The following IMPG2 variants were observed in gnomAD, a reference collection of about 807,000 sequenced individuals.
IMPG2 encodes the protein IPM 200.
A neutral mutation model predicts 129.2 loss-of-function variants in IMPG2; 91 were observed. The ratio of observed to expected loss-of-function variants is 0.70; its 90% CI spans 0.59 to 0.84. The LOEUF is 0.84. Among genes scored for constraint, IMPG2 ranks in the 40% least tolerant of loss-of-function variants. IMPG2 has a pLI of 0.00. For missense variants in IMPG2, 1,430 were observed against 1,461.7 expected, an observed-to-expected ratio of 0.98 and a Z score of 0.35; for synonymous variants, 510 against 517.7, an observed-to-expected ratio of 0.99 and a Z score of 0.20.
chr3:101,229,214 C>T (rs938064566), intron 17 of IMPG2, among the ~76,000 whole-genome samples, 166 bp downstream of exon 17: 2 of 151,266 alleles, frequency 1.3e-5, no homozygotes, highest in Non-Finnish European at 2.9e-5. Context: ...ATATCATAGA[C>T]TAGGAGATAC....
In IMPG2 at chr3:101,317,685, T is replaced by C. The variant is rs376740675; in HGVS notation, c.334+1899A>G. Among the ~76,000 whole-genome samples, 50 of 152,284 alleles carry C rather than the reference T, an allele frequency of 3.3e-4. No homozygotes were observed. The South Asian group carries it at 0.01, about 31-fold the overall frequency. On this transcript the variant is annotated intron_variant, in intron 2 of 18. Transcript: ENST00000193391. ...TAATCTTGATGTGGTGTGCCAACCA[T>C]CTTAGCTGTATGAGATCCCTTTTCA...
intron 3 of IMPG2, among the ~76,000 whole-genome samples, chr3:101,300,581 G>A (rs914145190): frequency 6.6e-6 from 1 of 152,214 alleles, no homozygotes; most frequent in Non-Finnish European, 1.5e-5. Context: ...GAAAAAGCAC[G>A]TTTTCCCAGG....
At chr3:101,271,812 C>A (rs925239631) in intron 7 of IMPG2, among the ~76,000 whole-genome samples, 1 of 152,136 alleles carries the variant, frequency 6.6e-6, no homozygotes, top group African/African-American at 2.4e-5. Flanking sequence ...AGTAGGAGAC[C>A]TGATTTTCAT....
At chr3:101,243,285 A>G (rs1315365275) in intron 13 of IMPG2, among the ~76,000 whole-genome samples, 1 of 152,216 alleles carries the variant, frequency 6.6e-6, no homozygotes, top group African/African-American at 2.4e-5. Flanking sequence ...CCCATAATTC[A>G]TGGAAAACAA....
chr3:101,311,275 A>G (rs943672905), intron 2 of IMPG2, among the ~76,000 whole-genome samples: 1 of 152,112 alleles, frequency 6.6e-6, no homozygotes, highest in Non-Finnish European at 1.5e-5. Flanking sequence ...ATGTAAAACT[A>G]CATCTGTCTA....
intron 4 of IMPG2, among the ~76,000 whole-genome samples, chr3:101,282,328 T>C (rs1706901315): frequency 6.6e-6 from 1 of 152,148 alleles, no homozygotes; most frequent in Non-Finnish European, 1.5e-5. Flanking sequence ...GCTAGCCCCA[T>C]GTCATCCCCT....
chr3:101,298,875 TC>T (rs766358561), intron 3 of IMPG2, among the ~76,000 whole-genome samples: 44 of 152,316 alleles, frequency 2.9e-4, no homozygotes, highest in Middle Eastern at 3.4e-3. Flanking sequence ...TGATTATGTG[TC>T]TTGGGGTTGA....
At chr3:101,271,749 C>G (rs1332366230) in intron 7 of IMPG2, among the ~76,000 whole-genome samples, 1 of 152,110 alleles carries the variant, frequency 6.6e-6, no homozygotes, top group Non-Finnish European at 1.5e-5. Context: ...TATAACTTCT[C>G]CCTTGAATTA....
chr3:101,244,733 G>A lies in IMPG2; in HGVS notation c.1598C>T (p.Ser533Leu). Residue 533 changes from serine (S) to leucine (L), a missense_variant, in exon 13 of 19, where the codon TCA (serine) becomes TTA (leucine). Physicochemically the swap from Ser to Leu is moderately radical, Grantham distance 145 (BLOSUM62 -2). Transcript: ENST00000193391. ...EDFLSIDSLP[S>L]SSFTQPVPKE... ...TGGCACAGGTTGAGTGAATGAACTTGAAGGCAATGAATCAATAGAAAGAAA... is the reference window on the plus strand; with the variant it reads ...TGGCACAGGTTGAGTGAATGAACTTAAAGGCAATGAATCAATAGAAAGAAA... 6.2e-7 allele frequency: 1 copy of A among 1,614,040 alleles called. No individual in the cohort carries two copies. Among genetic ancestry groups the A allele is most frequent in the Admixed American group, 1.7e-5 (1 of 60,006 alleles).
chr3:101,245,762 G>T lies in IMPG2; in HGVS notation c.1543+40C>A, dbSNP rs776750923. On this transcript the variant is annotated intron_variant, in intron 12 of 18. Coordinates refer to ENST00000193391, the MANE Select transcript of IMPG2 (RefSeq NM_016247.4). ...CCTCTCTTTAAAACCCCTGTCATCG[G>T]ATACAATAAGAAGTACGAAAAGCAA... The T allele has an allele frequency of 9.6e-6, 15 of 1,566,728 alleles. No homozygotes were observed. The African/African-American group carries it at 1.9e-4, about 20-fold the overall frequency.
intron 14 of IMPG2, among the ~76,000 whole-genome samples, chr3:101,236,425 G>A (rs1706346411): frequency 6.6e-6 from 1 of 152,194 alleles, no homozygotes; most frequent in Non-Finnish European, 1.5e-5. Flanking sequence ...GGCCAAATAG[G>A]AACAGCTCCA....
At chr3:101,248,986 G>A (rs535605670) in intron 11 of IMPG2, among the ~76,000 whole-genome samples, 2 of 152,142 alleles carry the variant, frequency 1.3e-5, no homozygotes, top group Non-Finnish European at 2.9e-5. Context: ...CAAACGACAA[G>A]AGGAAGGAGA....
At chr3:101,256,221 A>AGAAAGAAAGAAAGAAAG (rs1706607417) in intron 10 of IMPG2, among the ~76,000 whole-genome samples, 2 of 131,482 alleles carry the variant, frequency 1.5e-5, no homozygotes, top group African/African-American at 5.7e-5. Flanking sequence ...AAGAAAGAAA[A>AGAAAGAAAGAAAGAAAG]AAATATCTTA....
At chr3:101,286,018 G>A (rs1576763709) in intron 4 of IMPG2, among the ~76,000 whole-genome samples, 2 of 152,052 alleles carry the variant, frequency 1.3e-5, no homozygotes, top group Admixed American at 6.5e-5. Flanking sequence ...AAATACATAT[G>A]CATTATAGCA....
chr3:101,290,161 G>T (rs1706990010), intron 4 of IMPG2, among the ~76,000 whole-genome samples: 1 of 151,994 alleles, frequency 6.6e-6, no homozygotes, highest in South Asian at 2.1e-4. Context: ...ACTGTCTGTT[G>T]CAATGGCAAT....
At chr3:101,266,329 T>C (rs1706720207) in intron 9 of IMPG2, among the ~76,000 whole-genome samples, 2 of 152,194 alleles carry the variant, frequency 1.3e-5, no homozygotes, top group South Asian at 4.1e-4. Flanking sequence ...GATGAATGAA[T>C]TAAGAAAATG....
Position 101,226,977 on chromosome 3 carries a change from C to T in IMPG2, c.3718G>A (p.Glu1240Lys), listed in dbSNP as rs1706231281. Residue 1240 changes from glutamate to lysine, a missense_variant, in exon 19 of 19, where the codon GAG (glutamate) becomes AAG (lysine). Coordinates refer to ENST00000193391, the MANE Select transcript of IMPG2 (RefSeq NM_016247.4). ...CAGAACAGGAGTTTTGGTTAAACCT[C>T]TTCCCTGCCATGAAAACACAAAGAG... ...AAFVREQQVE[E>K]V The T allele has an allele frequency of 6.2e-7, 1 of 1,613,570 alleles. No individual in the cohort carries two copies. The highest frequency in any genetic ancestry group is 8.5e-7 in the Non-Finnish European group (1 of 1,179,782).
intron 2 of IMPG2, among the ~76,000 whole-genome samples, chr3:101,318,896 T>TA (rs1236380684): frequency 1.3e-5 from 2 of 152,162 alleles, no homozygotes. Flanking sequence ...TCAAGAATAC[T>TA]GTTTAAAGAC....
chr3:101,275,304 A>G (rs1041812484), intron 6 of IMPG2, among the ~76,000 whole-genome samples: 12 of 152,188 alleles, frequency 7.9e-5, no homozygotes, highest in African/African-American at 2.7e-4. Context: ...CATAAAATGT[A>G]TATTATTACC....
Sources: allele counts gnomAD v4.1 joint callset (sites outside exome capture counted in the v4.1 genomes callset), GRCh38; gene constraint gnomAD v4.1.1; transcripts MANE v1.5; gene names NCBI Gene and HGNC (gene_info 2026-07-23, HGNC 2026-07-21).